MTUS2: variants seen among roughly 807,000 people sequenced by gnomAD.
MTUS2 encodes the protein microtubule-associated tumor suppressor candidate 2.
Under a neutral mutation model 114.1 loss-of-function variants are expected in MTUS2, and 40 were observed. That is an observed-to-expected ratio of 0.35 (90% CI 0.27 to 0.46). The LOEUF is 0.46. MTUS2 is among the 20% of genes least tolerant of loss of function. The pLI is 1.00. For synonymous variants in MTUS2, 688 were observed against 672.0 expected (o/e 1.02, Z -0.37); for missense variants, 1,679 against 1,705.4 (o/e 0.98, Z 0.27).
intron 3 of MTUS2, among the ~76,000 whole-genome samples, chr13:29,030,118 C>A (rs1334572394): frequency 6.6e-6 from 1 of 152,168 alleles, no homozygotes; most frequent in East Asian, 1.9e-4. Context: ...TATTTCTTTT[C>A]TGTGTTGTTC....
intron 8 of MTUS2, among the ~76,000 whole-genome samples, chr13:29,420,968 T>C (rs1335931053): frequency 6.6e-6 from 1 of 152,226 alleles, no homozygotes; most frequent in Non-Finnish European, 1.5e-5. Context: ...ATTTGGGTAT[T>C]ACAGAGAAGT....
chr13:29,428,938 C>A, intron 8 of MTUS2: 1 of 1,601,580 alleles, frequency 6.2e-7, no homozygotes, highest in Non-Finnish European at 8.6e-7. Flanking sequence ...TCCTCCTTTG[C>A]AAGGGCAGAG....
At chr13:28,944,366 TAC>T (rs1882406572) in intron 2 of MTUS2, among the ~76,000 whole-genome samples, 1 of 152,182 alleles carries the variant, frequency 6.6e-6, no homozygotes, top group Non-Finnish European at 1.5e-5. Flanking sequence ...TATTTTTTTC[TAC>T]ACTTTTATTT....
chr13:28,986,479 T>C (rs1407917734), intron 2 of MTUS2, among the ~76,000 whole-genome samples: 1 of 152,190 alleles, frequency 6.6e-6, no homozygotes, highest in Admixed American at 6.5e-5. Flanking sequence ...TCCAGTGTCC[T>C]GGAGACTGTG....
At chr13:29,045,062 C>T (rs758014056) in intron 4 of MTUS2, among the ~76,000 whole-genome samples, 6 of 152,160 alleles carry the variant, frequency 3.9e-5, no homozygotes, top group Non-Finnish European at 7.3e-5. Flanking sequence ...TCCTCTATGA[C>T]CAGCTGGAGA....
chr13:29,140,708 A>G (rs1892182476), intron 5 of MTUS2, among the ~76,000 whole-genome samples: 1 of 152,192 alleles, frequency 6.6e-6, no homozygotes, highest in Non-Finnish European at 1.5e-5. Context: ...ACCAATCACT[A>G]GAAAATCACC....
intron 5 of MTUS2, among the ~76,000 whole-genome samples, chr13:29,147,461 G>C (rs1892484570): frequency 6.6e-6 from 1 of 152,078 alleles, no homozygotes; most frequent in African/African-American, 2.4e-5. Flanking sequence ...TTAGATTGAG[G>C]GGGTACATGT....
Position 29,266,219 on chromosome 13 carries a change from T to C in MTUS2, c.2645-15485T>C, listed in dbSNP as rs551334154. Among the ~76,000 whole-genome samples, 3 of 152,266 alleles carry C rather than the reference T, an allele frequency of 2.0e-5. No homozygotes were observed. In the East Asian group the frequency reaches 5.8e-4, roughly 29 times the overall value. ...TAAGCACTTTACTCTAATGACTCCT[T>C]TCATACAACAATTCCAATAATTAGG... On this transcript the variant is annotated intron_variant, in intron 5 of 15. Transcript: ENST00000612955.
chr13:29,159,649 T>A (rs1593540600), intron 5 of MTUS2, among the ~76,000 whole-genome samples: 1 of 147,932 alleles, frequency 6.8e-6, no homozygotes, highest in South Asian at 2.1e-4. Flanking sequence ...AACTCAGCAG[T>A]AAAAAAAAAA....
Position 29,498,422 on chromosome 13 carries a change from C to T in MTUS2, c.3683C>T (p.Ala1228Val), listed in dbSNP as rs1882689474. The change falls in exon 14 of 16, where the codon GCA (alanine) becomes GTA (valine). Residue 1228 changes from alanine (A) to valine (V), a missense_variant. Physicochemically the swap from Ala to Val is moderately conservative, Grantham distance 64 (BLOSUM62 0). Coordinates refer to ENST00000612955, the MANE Select transcript of MTUS2 (RefSeq NM_001033602.4). ...RKNTEEQLEI[A>V]LAPYQHLEED... The stretch of plus-strand genomic sequence containing the variant: ...CATGGCTCTCTGCCTCTGTAGATTG[C>T]ATTGGCTCCTTATCAGCACTTGGAA... The T allele has an allele frequency of 6.2e-7, 1 of 1,613,998 alleles. No homozygotes were observed. Among genetic ancestry groups the T allele is most frequent in the African/African-American group, 1.3e-5 (1 of 74,922 alleles).
chr13:28,958,576 C>T (rs144156347), intron 2 of MTUS2, among the ~76,000 whole-genome samples: 81 of 152,302 alleles, frequency 5.3e-4, no homozygotes, highest in Admixed American at 4.2e-3. Flanking sequence ...TCTCAGGCTG[C>T]ACGCTGGTAA....
chr13:29,183,991 C>T (rs1894115884), intron 5 of MTUS2, among the ~76,000 whole-genome samples: 1 of 152,168 alleles, frequency 6.6e-6, no homozygotes, highest in Non-Finnish European at 1.5e-5. Flanking sequence ...TATTTACTTA[C>T]CATCTAGATT....
intron 5 of MTUS2, among the ~76,000 whole-genome samples, chr13:29,108,531 C>G (rs1890760089): frequency 6.6e-6 from 1 of 152,190 alleles, no homozygotes; most frequent in Non-Finnish European, 1.5e-5. Context: ...TTTCCCGATT[C>G]TACATTCTTT....
chr13:29,174,519 G>T (rs1893690848), intron 5 of MTUS2, among the ~76,000 whole-genome samples: 1 of 152,158 alleles, frequency 6.6e-6, no homozygotes, highest in African/African-American at 2.4e-5. Flanking sequence ...AACAGGGTCT[G>T]GTTTGGACTG....
chr13:28,834,085 G>T (rs550581079), intron 1 of MTUS2, among the ~76,000 whole-genome samples: 196 of 152,228 alleles, frequency 1.3e-3, no homozygotes, highest in South Asian at 8.5e-3. Context: ...TATTATTAAG[G>T]TGACAGTGCT....
intron 2 of MTUS2, among the ~76,000 whole-genome samples, chr13:28,900,964 G>C (rs1219698888): frequency 6.6e-6 from 1 of 152,200 alleles, no homozygotes; most frequent in African/African-American, 2.4e-5. Flanking sequence ...AAAGTGCCAA[G>C]CTGTGTTAGA....
chr13:29,480,416 G>A lies in MTUS2; in HGVS notation c.3399+52G>A. 1 of 1,461,344 alleles carries A rather than the reference G, an allele frequency of 6.8e-7. No individual in the cohort carries two copies. Among genetic ancestry groups the A allele is most frequent in the Non-Finnish European group, 9.1e-7 (1 of 1,102,878 alleles). The allele number at this position is 1,461,344 out of a possible 1,614,324, so 90.5% of individuals were successfully genotyped here. A position where few individuals can be genotyped will look rare whatever the true frequency, so the allele number is the denominator to read the frequency against. Reference sequence around the variant, plus strand: ...TGCTGTTGGGTGATGCAGGTGGCGGGCGGCGGGGATCCAGTGCCACATTAG... The same window carrying A: ...TGCTGTTGGGTGATGCAGGTGGCGGACGGCGGGGATCCAGTGCCACATTAG... On this transcript the variant is annotated intron_variant, in intron 10 of 15. Transcript: ENST00000612955. This position sits in a 1 kb window ranked among gnomAD's most constrained non-coding sequence, Gnocchi z 4.4.
At chr13:29,182,665 A>C (rs2139163854) in intron 5 of MTUS2, among the ~76,000 whole-genome samples, 1 of 152,374 alleles carries the variant, frequency 6.6e-6, no homozygotes, top group Non-Finnish European at 1.5e-5. Flanking sequence ...AAGATGACAA[A>C]TAGTAATAAA....
chr13:29,408,550 T>C (rs747610318), intron 8 of MTUS2, among the ~76,000 whole-genome samples: 3 of 152,180 alleles, frequency 2.0e-5, no homozygotes, highest in Non-Finnish European at 2.9e-5. Context: ...ACCCCTGAGC[T>C]TGGGTGATCC....
Sources: allele counts gnomAD v4.1 joint callset (sites outside exome capture counted in the v4.1 genomes callset), GRCh38; gene constraint gnomAD v4.1.1; non-coding constraint Gnocchi (gnomAD v3.1); transcripts MANE v1.5; gene names NCBI Gene and HGNC (gene_info 2026-07-23, HGNC 2026-07-21).